SGCZ: variants seen among roughly 807,000 people sequenced by gnomAD.
SGCZ encodes sarcoglycan zeta.
SGCZ carries 40 observed loss-of-function variants against 41.3 expected under a neutral mutation model. The observed-to-expected ratio is 0.97, with a 90% CI of 0.75 to 1.26. The LOEUF is 1.26. Among genes scored for constraint, SGCZ ranks in the 50% most tolerant of loss-of-function variants. The pLI, the probability that SGCZ is intolerant of heterozygous loss-of-function variation, is 0.00. For synonymous variants in SGCZ, 206 were observed against 137.5 expected, an observed-to-expected ratio of 1.50 and a Z score of -3.49; for missense variants, 552 against 369.8, an observed-to-expected ratio of 1.49 and a Z score of -4.04.
chr8:14,936,371 G>C (rs780973891), intron 1 of SGCZ, among the ~76,000 whole-genome samples: 1 of 151,802 alleles, frequency 6.6e-6, no homozygotes, highest in Non-Finnish European at 1.5e-5. Context: ...AGAATACTTT[G>C]CTCACGGTTA....
chr8:15,097,483 T>C (rs1195926036), intron 1 of SGCZ, among the ~76,000 whole-genome samples: 1 of 151,978 alleles, frequency 6.6e-6, no homozygotes, highest in Non-Finnish European at 1.5e-5. Context: ...GCATGGTTGC[T>C]CAAGCCTGTT....
At chr8:14,837,325 G>A (rs1355529978) in intron 1 of SGCZ, among the ~76,000 whole-genome samples, 1 of 152,210 alleles carries the variant, frequency 6.6e-6, no homozygotes, top group African/African-American at 2.4e-5. Flanking sequence ...AGGTGTACCA[G>A]GCAAAGGGAA....
intron 1 of SGCZ, among the ~76,000 whole-genome samples, chr8:14,811,518 CTTTTTT>C (rs71209087): frequency 2.0e-5 from 1 of 49,744 alleles, no homozygotes; most frequent in African/African-American, 7.8e-5. Flanking sequence ...GACACTGCAT[CTTTTTT>C]TTTTTTTTTT....
At chr8:14,239,795 G>C (rs942118387) in intron 3 of SGCZ, among the ~76,000 whole-genome samples, 2 of 147,990 alleles carry the variant, frequency 1.4e-5, no homozygotes, top group African/African-American at 2.5e-5. Flanking sequence ...CCAGCTACTT[G>C]GGAGGCTGAG....
chr8:14,507,824 T>G (rs191220039), intron 2 of SGCZ, among the ~76,000 whole-genome samples: 2 of 150,154 alleles, frequency 1.3e-5, no homozygotes, highest in African/African-American at 4.9e-5. Context: ...CAGGCTGGAG[T>G]GCAATGGCGC....
intron 1 of SGCZ, among the ~76,000 whole-genome samples, chr8:14,951,297 A>G (rs1220522814): frequency 1.3e-5 from 2 of 152,052 alleles, no homozygotes; most frequent in Non-Finnish European, 2.9e-5. Flanking sequence ...TAGCATTAAG[A>G]ACATTCTAAA....
chr8:14,959,245 A>G (rs536123033), intron 1 of SGCZ, among the ~76,000 whole-genome samples: 1 of 152,286 alleles, frequency 6.6e-6, no homozygotes, highest in African/African-American at 2.4e-5. Flanking sequence ...GTAGATAATT[A>G]TATCTATAGT....
intron 1 of SGCZ, among the ~76,000 whole-genome samples, chr8:14,767,466 T>C (rs1415736604): frequency 6.6e-6 from 1 of 152,140 alleles, no homozygotes; most frequent in Non-Finnish European, 1.5e-5. Context: ...ACAATCAATT[T>C]TACTCTAGCA....
chr8:14,866,649 A>T (rs1056467992), intron 1 of SGCZ, among the ~76,000 whole-genome samples: 2 of 151,972 alleles, frequency 1.3e-5, no homozygotes, highest in Non-Finnish European at 2.9e-5. Flanking sequence ...GCCTCTACAA[A>T]AATACAAAGA....
At chr8:14,558,850 C>T (rs2117201424) in intron 1 of SGCZ, among the ~76,000 whole-genome samples, 1 of 152,116 alleles carries the variant, frequency 6.6e-6, no homozygotes, top group Middle Eastern at 3.4e-3. Flanking sequence ...AAATATGATA[C>T]ACCACATAAA....
chr8:14,595,183 C>G (rs934157194), intron 1 of SGCZ, among the ~76,000 whole-genome samples: 3 of 152,130 alleles, frequency 2.0e-5, no homozygotes, highest in Non-Finnish European at 2.9e-5. Context: ...CTATTTTTCT[C>G]CTGGAGAACC....
chr8:14,962,888 A>T (rs1300286483), intron 1 of SGCZ, among the ~76,000 whole-genome samples: 1 of 152,192 alleles, frequency 6.6e-6, no homozygotes, highest in Non-Finnish European at 1.5e-5. Context: ...TCCATTGCAG[A>T]CATGAAAAAC....
At chr8:14,916,382 C>A (rs1799438238) in intron 1 of SGCZ, among the ~76,000 whole-genome samples, 1 of 152,098 alleles carries the variant, frequency 6.6e-6, no homozygotes, top group African/African-American at 2.4e-5. Flanking sequence ...GAAATATTTA[C>A]CACATATAGA....
chr8:15,190,938 C>G (rs922869291), intron 1 of SGCZ, among the ~76,000 whole-genome samples: 5 of 151,870 alleles, frequency 3.3e-5, no homozygotes, highest in Non-Finnish European at 7.4e-5. Flanking sequence ...TAATTAATTT[C>G]TTTTCTCAAG....
chr8:14,955,601 T>G (rs1800767108), intron 1 of SGCZ, among the ~76,000 whole-genome samples: 1 of 152,356 alleles, frequency 6.6e-6, no homozygotes, highest in East Asian at 1.9e-4. Context: ...GTACTGGGTA[T>G]ATAATGGAAT....
chr8:14,419,929 A>G, intron 2 of SGCZ, among the ~76,000 whole-genome samples: 1 of 152,004 alleles, frequency 6.6e-6, no homozygotes, highest in Non-Finnish European at 1.5e-5. Flanking sequence ...TTCATCCCCC[A>G]TGTCATTACA....
intron 5 of SGCZ, among the ~76,000 whole-genome samples, chr8:14,140,062 A>AT (rs2116922521): frequency 6.6e-6 from 1 of 151,468 alleles, no homozygotes; most frequent in African/African-American, 2.4e-5. Flanking sequence ...ACAGAACCAA[A>AT]GATCAAAACC....
chr8:14,207,472 C>T (rs1359323664), intron 4 of SGCZ, among the ~76,000 whole-genome samples: 1 of 152,100 alleles, frequency 6.6e-6, no homozygotes, highest in Non-Finnish European at 1.5e-5. Context: ...AACCTTTCTG[C>T]ACTACTATGT....
At chr8:15,177,500 T>C (rs1214805989) in intron 1 of SGCZ, among the ~76,000 whole-genome samples, 1 of 152,186 alleles carries the variant, frequency 6.6e-6, no homozygotes, top group East Asian at 1.9e-4. Flanking sequence ...AGATTATACA[T>C]TTAATCTTAC....
Sources: gnomAD v4.1 joint callset for allele counts (sites outside exome capture counted in the v4.1 genomes callset) on GRCh38, gnomAD v4.1.1 for gene constraint, MANE v1.5 for transcripts, NCBI Gene and HGNC (gene_info 2026-07-23, HGNC 2026-07-21) for gene names.